The following NHSL1 variants were observed in gnomAD, a reference collection of about 807,000 sequenced individuals.
NHSL1 encodes NHS-like protein 1.
Under a neutral mutation model 95.0 loss-of-function variants are expected in NHSL1, and 48 were observed. The ratio of observed to expected loss-of-function variants is 0.51; its 90% CI spans 0.40 to 0.64. NHSL1 has a LOEUF of 0.64. NHSL1 is among the 30% of genes least tolerant of loss of function. NHSL1 has a pLI of 0.00. For synonymous variants in NHSL1, 783 were observed against 833.9 expected, an observed-to-expected ratio of 0.94 and a Z score of 1.05; for missense variants, 1,971 against 2,077.7, an observed-to-expected ratio of 0.95 and a Z score of 1.00.
intron 3 of NHSL1, among the ~76,000 whole-genome samples, chr6:138,452,491 T>C (rs757318408): frequency 6.6e-6 from 1 of 152,252 alleles, no homozygotes; most frequent in Non-Finnish European, 1.5e-5. Flanking sequence ...AACTGAATTA[T>C]AGCCAGAGCT....
chr6:138,566,947 T>C (rs1342721643), intron 1 of NHSL1, among the ~76,000 whole-genome samples: 1 of 152,178 alleles, frequency 6.6e-6, no homozygotes, highest in Non-Finnish European at 1.5e-5. Flanking sequence ...TAAACTTCCT[T>C]TGGCTATTTT....
rs374783413 is a variant in NHSL1 at position 138,670,441 on chromosome 6, C to T, written c.96+22035G>A. Among the ~76,000 whole-genome samples, 14 of 150,268 alleles carry T rather than the reference C, an allele frequency of 9.3e-5. No individual in the cohort carries two copies. In the South Asian group the frequency reaches 2.1e-3, roughly 23 times the overall value. On this transcript the variant is annotated intron_variant, in intron 1 of 3. Coordinates refer to the NHSL1 transcript ENST00000491526. ...CAGCACTTTGGGAGGCCGAGGCGGG[C>T]GGATCACGAGGTCAGGAGATCGAGA... is the stretch of plus-strand genomic sequence containing the variant.
At chr6:138,508,987 T>C (rs1227199118) in intron 1 of NHSL1, among the ~76,000 whole-genome samples, 1 of 152,202 alleles carries the variant, frequency 6.6e-6, no homozygotes, top group Non-Finnish European at 1.5e-5. Context: ...ACTAGGTATA[T>C]AAAGGCTCAT....
At chr6:138,650,298 C>A (rs536366610) in intron 1 of NHSL1, 2 of 722,292 alleles carry the variant, frequency 2.8e-6, no homozygotes, top group Admixed American at 1.8e-5. Context: ...GCCCTACATA[C>A]TCAGGTACTT....
At chr6:138,459,285 C>T (rs375098448) in intron 3 of NHSL1, among the ~76,000 whole-genome samples, 1 of 152,108 alleles carries the variant, frequency 6.6e-6, no homozygotes, top group African/African-American at 2.4e-5. Context: ...CCACGCCTGA[C>T]CATATAGTAT....
chr6:138,428,480 T>C (rs1215077558), intron 7 of NHSL1, among the ~76,000 whole-genome samples: 1 of 152,358 alleles, frequency 6.6e-6, no homozygotes, highest in African/African-American at 2.4e-5. Flanking sequence ...ACCTTTTCAC[T>C]TCTAATGAGA....
At chr6:138,682,666 C>A (rs1785527216) in intron 1 of NHSL1, among the ~76,000 whole-genome samples, 1 of 119,642 alleles carries the variant, frequency 8.4e-6, no homozygotes, top group Non-Finnish European at 1.7e-5. Flanking sequence ...TGTCCTGCCG[C>A]CCTGAATAAA....
intron 1 of NHSL1, among the ~76,000 whole-genome samples, chr6:138,630,033 T>C (rs1406868973): frequency 6.6e-6 from 1 of 152,198 alleles, no homozygotes. Context: ...GGCAACACAG[T>C]GAGACCCTGT....
At chr6:138,460,696 G>A (rs968187354) in intron 3 of NHSL1, among the ~76,000 whole-genome samples, 1 of 151,538 alleles carries the variant, frequency 6.6e-6, no homozygotes, top group Admixed American at 6.6e-5. Flanking sequence ...GGATACTGAG[G>A]GATTACTGTA....
At chr6:138,579,664 T>C (rs1784023553) in intron 1 of NHSL1, among the ~76,000 whole-genome samples, 1 of 152,210 alleles carries the variant, frequency 6.6e-6, no homozygotes. Context: ...TTCTACCTGA[T>C]AATCCACACA....
At chr6:138,522,759 C>G (rs767529704) in intron 1 of NHSL1, among the ~76,000 whole-genome samples, 1 of 152,018 alleles carries the variant, frequency 6.6e-6, no homozygotes, top group East Asian at 1.9e-4. Context: ...TGCAGTGAGC[C>G]GTGATTGTGC....
At chr6:138,677,646 ATCACTGCCCC>A (rs1171220963) in intron 1 of NHSL1, among the ~76,000 whole-genome samples, 6 of 152,192 alleles carry the variant, frequency 3.9e-5, no homozygotes, top group African/African-American at 1.4e-4. Context: ...GGCAGCTCCA[ATCACTGCCCC>A]AAGCAGAGCC....
intron 1 of NHSL1, among the ~76,000 whole-genome samples, chr6:138,656,684 T>C (rs182690722): frequency 6.1e-4 from 93 of 152,296 alleles, no homozygotes; most frequent in African/African-American, 2.1e-3. Flanking sequence ...TAAGTTTTCT[T>C]TGTGGTTGTC....
intron 1 of NHSL1, among the ~76,000 whole-genome samples, chr6:138,603,546 G>A (rs369570778): frequency 4.6e-5 from 7 of 152,274 alleles, no homozygotes; most frequent in East Asian, 3.9e-4. Context: ...ACTAGGAGCC[G>A]AGGAATAAAC....
At chr6:138,681,695 C>A (rs1213661917) in intron 1 of NHSL1, among the ~76,000 whole-genome samples, 2 of 152,110 alleles carry the variant, frequency 1.3e-5, no homozygotes, top group Admixed American at 6.5e-5. Context: ...CATAACATAC[C>A]CTCACTTAAT....
At chr6:138,592,791 G>A (rs1784250444) in intron 1 of NHSL1, among the ~76,000 whole-genome samples, 2 of 152,078 alleles carry the variant, frequency 1.3e-5, no homozygotes, top group South Asian at 4.1e-4. Context: ...GGGTGGCTAG[G>A]AGCTGCTATT....
At chr6:138,500,836 T>G (rs7743630), upstream of NHSL1, among the ~76,000 whole-genome samples, 2,006 of 151,594 alleles carry the variant, frequency 0.013, 51 homozygotes, top group African/African-American at 0.046. Flanking sequence ...ATAGAAACGT[T>G]ACCATCTTAT....
At chr6:138,562,008 G>A (rs1268596034) in intron 1 of NHSL1, among the ~76,000 whole-genome samples, 1 of 152,240 alleles carries the variant, frequency 6.6e-6, no homozygotes, top group Admixed American at 6.5e-5. Context: ...AATGCTCAGA[G>A]ATGCTGAATT....
upstream of NHSL1, among the ~76,000 whole-genome samples, chr6:138,546,682 C>T (rs1054381263): frequency 1.3e-5 from 2 of 152,110 alleles, no homozygotes; most frequent in South Asian, 4.1e-4. Flanking sequence ...GCATGTTACA[C>T]TTCTATGGCA....
Sources: gnomAD v4.1 joint callset for allele counts (sites outside exome capture counted in the v4.1 genomes callset) on GRCh38, gnomAD v4.1.1 for gene constraint, MANE v1.5 for transcripts, NCBI Gene and HGNC (gene_info 2026-07-23, HGNC 2026-07-21) for gene names.